CCDC178: variants seen among roughly 807,000 people sequenced by gnomAD.
CCDC178 encodes coiled-coil domain containing 178, also known as coiled-coil domain-containing protein 178.
In CCDC178, 126 loss-of-function variants were observed where a neutral mutation model predicts 117.4. The ratio of observed to expected loss-of-function variants is 1.07; its 90% CI spans 0.93 to 1.24. CCDC178 has a LOEUF of 1.24. Ranked by LOEUF, CCDC178 falls within the 50% of genes most tolerant of loss-of-function variation. The pLI is 0.00. For synonymous variants in CCDC178, 283 were observed against 313.4 expected (o/e 0.90, Z 1.02); for missense variants, 1,030 against 986.9 (o/e 1.04, Z -0.59).
chr18:33,207,468 G>A (rs1031345336), intron 20 of CCDC178, among the ~76,000 whole-genome samples: 2 of 151,114 alleles, frequency 1.3e-5, no homozygotes, highest in Non-Finnish European at 3.0e-5. Flanking sequence ...CCACAGTGGG[G>A]TAAGGCATTG....
chr18:33,282,115 G>C (rs531796394), intron 12 of CCDC178, among the ~76,000 whole-genome samples: 3 of 152,076 alleles, frequency 2.0e-5, no homozygotes, highest in Non-Finnish European at 4.4e-5. Flanking sequence ...ACATATGGGG[G>C]GCTCATTTTT....
At chr18:32,974,124 C>A (rs1839688982) in intron 22 of CCDC178, among the ~76,000 whole-genome samples, 1 of 151,990 alleles carries the variant, frequency 6.6e-6, no homozygotes, top group African/African-American at 2.4e-5. Context: ...TTAGGATGAG[C>A]CTCTTGCAAA....
At chr18:33,392,917 C>T (rs551187993) in intron 4 of CCDC178, among the ~76,000 whole-genome samples, 1 of 152,272 alleles carries the variant, frequency 6.6e-6, no homozygotes, top group South Asian at 2.1e-4. Context: ...AAATTTCATA[C>T]ACTATAGAAC....
At chr18:33,331,332 T>C (rs1480078598) in intron 10 of CCDC178, among the ~76,000 whole-genome samples, 1 of 152,118 alleles carries the variant, frequency 6.6e-6, no homozygotes, top group Non-Finnish European at 1.5e-5. Context: ...TTAACTTTCC[T>C]CTCACAGAAA....
intron 21 of CCDC178, among the ~76,000 whole-genome samples, chr18:32,980,298 G>A (rs2144711737): frequency 6.6e-6 from 1 of 152,122 alleles, no homozygotes; most frequent in Admixed American, 6.5e-5. Context: ...CATATAAAAA[G>A]CCCGGCCGGG....
chr18:33,183,378 C>G (rs977207447), intron 20 of CCDC178, among the ~76,000 whole-genome samples: 19 of 138 alleles, frequency 0.14, no homozygotes, highest in South Asian at 0.33. Context: ...CTATATACCA[C>G]ATGGGAGATT....
chr18:32,984,526 T>C (rs1400242689), intron 21 of CCDC178, among the ~76,000 whole-genome samples: 1 of 151,978 alleles, frequency 6.6e-6, no homozygotes, highest in Non-Finnish European at 1.5e-5. Context: ...TTCTGGTAGA[T>C]TTTGATAAAA....
intron 22 of CCDC178, among the ~76,000 whole-genome samples, chr18:32,972,198 A>T (rs1387471077): frequency 6.6e-6 from 1 of 152,114 alleles, no homozygotes; most frequent in Non-Finnish European, 1.5e-5. Context: ...TTTTTGTATA[A>T]GGTGTAAGGA....
intron 11 of CCDC178, among the ~76,000 whole-genome samples, chr18:33,316,379 G>T (rs1191212617): frequency 1.3e-5 from 2 of 152,292 alleles, no homozygotes; most frequent in East Asian, 3.9e-4. Context: ...CAGCTGCTGC[G>T]CTCGATTTCT....
chr18:33,198,131 A>C (rs552741097), intron 20 of CCDC178, among the ~76,000 whole-genome samples: 8 of 152,272 alleles, frequency 5.3e-5, no homozygotes, highest in Non-Finnish European at 8.8e-5. Flanking sequence ...TGCAAGTCAT[A>C]TTTGTGATAT....
chr18:33,319,526 G>C (rs1041736023), intron 11 of CCDC178, among the ~76,000 whole-genome samples: 17 of 152,136 alleles, frequency 1.1e-4, no homozygotes, highest in African/African-American at 2.4e-5. Context: ...CTTTATAGCA[G>C]CATGATTTAT....
Position 33,226,854 on chromosome 18 carries a change from C to T in CCDC178, c.1595G>A (p.Gly532Asp). ...KIAEVRRKFK[G>D]REEFLKKLTQ... Reference sequence around the variant, plus strand: ...GAGTTTTTTCAGGAATTCTTCTCTACCCTATATGTTAGGAAATTTTTAAAA... The same window carrying T: ...GAGTTTTTTCAGGAATTCTTCTCTATCCTATATGTTAGGAAATTTTTAAAA... The change falls in exon 16 of 23, where the codon GGT (glycine) becomes GAT (aspartate). Residue 532 changes from glycine (G) to aspartate (D), a missense_variant and splice_region_variant. Physicochemically the swap from Gly to Asp is moderately conservative, Grantham distance 94. Transcript: ENST00000383096. The T allele has an allele frequency of 9.0e-6, 14 of 1,552,894 alleles. No homozygotes were observed. The highest frequency in any genetic ancestry group is 1.2e-5 in the Non-Finnish European group (14 of 1,144,720).
chr18:33,153,892 C>A (rs774745788), intron 20 of CCDC178, among the ~76,000 whole-genome samples: 2 of 151,628 alleles, frequency 1.3e-5, no homozygotes, highest in Non-Finnish European at 2.9e-5. Flanking sequence ...ATAAAAGTTA[C>A]ATGGAAAGAT....
intron 21 of CCDC178, among the ~76,000 whole-genome samples, chr18:33,003,282 C>T (rs148646121): frequency 0.011 from 1,658 of 152,032 alleles, 16 homozygotes; most frequent in Non-Finnish European, 0.018. Flanking sequence ...GAAGAAAATC[C>T]TCAACAAAAT....
intron 14 of CCDC178, among the ~76,000 whole-genome samples, chr18:33,251,624 T>C (rs896815906): frequency 2.6e-5 from 4 of 151,774 alleles, no homozygotes; most frequent in African/African-American, 9.7e-5. Flanking sequence ...TTATAAAGTT[T>C]GTAGAAACAA....
At chr18:33,036,544 G>A (rs1346635267) in intron 21 of CCDC178, among the ~76,000 whole-genome samples, 2 of 151,866 alleles carry the variant, frequency 1.3e-5, no homozygotes, top group Non-Finnish European at 2.9e-5. Flanking sequence ...CTCAAAGGAT[G>A]ACTAGGAGTA....
chr18:33,328,621 A>T lies in CCDC178; in HGVS notation c.879+4553T>A, dbSNP rs537735395. On this transcript the variant is annotated intron_variant, in intron 10 of 22. Transcript: ENST00000383096. ...CTTGTTAAAAATCAATTAGCCGTAG[A>T]TGTATATGTTTATTTCTGAAATTTC... is the stretch of plus-strand genomic sequence containing the variant. 2.0e-5 allele frequency among the ~76,000 whole-genome samples: 3 copies of T among 152,290 alleles called. No homozygotes were observed. The South Asian group carries it at 6.2e-4, about 32-fold the overall frequency.
chr18:32,986,505 G>T (rs534343382), intron 21 of CCDC178, among the ~76,000 whole-genome samples: 1 of 151,972 alleles, frequency 6.6e-6, no homozygotes, highest in Non-Finnish European at 1.5e-5. Flanking sequence ...AATGAGATTC[G>T]CAGGAACAAA....
chr18:32,958,173 T>C (rs1031632836), intron 22 of CCDC178: 26 of 580,188 alleles, frequency 4.5e-5, no homozygotes, highest in Non-Finnish European at 7.6e-5. Flanking sequence ...TTCATAATTA[T>C]TTTTGTACTT....
Sources: allele counts gnomAD v4.1 joint callset (sites outside exome capture counted in the v4.1 genomes callset), GRCh38; gene constraint gnomAD v4.1.1; transcripts MANE v1.5; gene names NCBI Gene and HGNC (gene_info 2026-07-23, HGNC 2026-07-21).